RABGAP1L: variants seen among roughly 807,000 people sequenced by gnomAD.
The protein encoded by RABGAP1L is RAB GTPase activating protein 1 like, also known as rab GTPase-activating protein 1-like.
RABGAP1L carries 63 observed loss-of-function variants against 137.7 expected under a neutral mutation model. The ratio of observed to expected loss-of-function variants is 0.46; its 90% CI spans 0.37 to 0.56. The LOEUF (loss-of-function observed/expected upper bound fraction) is 0.56, where lower values mean the gene tolerates loss of function less well. RABGAP1L is among the 20% of genes least tolerant of loss of function. The pLI is 0.00. For synonymous variants in RABGAP1L, 431 were observed against 433.7 expected, an observed-to-expected ratio of 0.99 and a Z score of 0.08; for missense variants, 1,095 against 1,244.0, an observed-to-expected ratio of 0.88 and a Z score of 1.80.
chr1:174,330,128 A>G (rs1211722005), intron 11 of RABGAP1L, among the ~76,000 whole-genome samples: 1 of 152,204 alleles, frequency 6.6e-6, no homozygotes, highest in East Asian at 1.9e-4. Flanking sequence ...GTTTGCAGAC[A>G]ATATGATTAT....
intron 10 of RABGAP1L, among the ~76,000 whole-genome samples, chr1:174,290,454 A>G (rs1213153579): frequency 2.0e-5 from 3 of 152,078 alleles, no homozygotes; most frequent in African/African-American, 7.2e-5. Flanking sequence ...TCAAATTGAA[A>G]TTGCTCCACT....
chr1:174,190,400 C>T (rs1010013740), intron 1 of RABGAP1L, among the ~76,000 whole-genome samples: 1 of 151,748 alleles, frequency 6.6e-6, no homozygotes, highest in African/African-American at 2.4e-5. Flanking sequence ...TGTAAGAAAT[C>T]ATTTTTTTTT....
At chr1:174,899,280 AGAGCTCAG>A in intron 19 of RABGAP1L, among the ~76,000 whole-genome samples, 2 of 152,306 alleles carry the variant, frequency 1.3e-5, no homozygotes, top group South Asian at 4.1e-4. Flanking sequence ...CAAGGTGAGG[AGAGCTCAG>A]GAGCTCAGGA....
intron 13 of RABGAP1L, among the ~76,000 whole-genome samples, chr1:174,438,703 G>C (rs1428628618): frequency 5.2e-5 from 7 of 133,442 alleles, no homozygotes; most frequent in Admixed American, 3.0e-4. Context: ...GGGAGACACA[G>C]CAAGACTCTG....
At chr1:174,584,669 A>C (rs944432953) in intron 13 of RABGAP1L, among the ~76,000 whole-genome samples, 22 of 152,210 alleles carry the variant, frequency 1.4e-4, no homozygotes, top group Non-Finnish European at 2.4e-4. Flanking sequence ...AAACCTTGGT[A>C]TCTCAGATGA....
chr1:174,419,560 C>T (rs1237672454), intron 13 of RABGAP1L, among the ~76,000 whole-genome samples: 1 of 152,026 alleles, frequency 6.6e-6, no homozygotes, highest in East Asian at 1.9e-4. Context: ...GGTTTGCTTT[C>T]ATTGTAATAG....
intron 19 of RABGAP1L, among the ~76,000 whole-genome samples, chr1:174,889,730 C>T (rs112393826): frequency 4.6e-5 from 7 of 151,890 alleles, no homozygotes; most frequent in African/African-American, 1.7e-4. Flanking sequence ...TGTGACCAGC[C>T]TTTCTATTCT....
intron 13 of RABGAP1L, among the ~76,000 whole-genome samples, chr1:174,477,587 G>A (rs1658632811): frequency 2.6e-5 from 4 of 152,140 alleles, no homozygotes; most frequent in Admixed American, 2.0e-4. Context: ...AGGTTCTCAT[G>A]GGGGAGAAGT....
chr1:174,374,347 C>T (rs188309856), intron 12 of RABGAP1L, among the ~76,000 whole-genome samples: 2 of 152,114 alleles, frequency 1.3e-5, no homozygotes, highest in Non-Finnish European at 2.9e-5. Context: ...CATAGTCTTC[C>T]GTTGTGGCCA....
chr1:174,543,318 T>C (rs1665658147), intron 13 of RABGAP1L, among the ~76,000 whole-genome samples: 1 of 151,408 alleles, frequency 6.6e-6, no homozygotes, highest in Non-Finnish European at 1.5e-5. Flanking sequence ...TTAGTTCTTC[T>C]TGTTGAATTG....
intron 17 of RABGAP1L, among the ~76,000 whole-genome samples, chr1:174,746,453 G>A (rs961978184): frequency 6.6e-6 from 1 of 152,160 alleles, no homozygotes; most frequent in Admixed American, 6.5e-5. Flanking sequence ...CTCATATACT[G>A]CAAGCAGTCA....
rs532623207 is a variant in RABGAP1L at position 174,865,154 on chromosome 1, G to A, written c.2340+53194G>A. 4.6e-5 allele frequency among the ~76,000 whole-genome samples: 7 copies of A among 152,078 alleles called. No individual in the cohort carries two copies. In the East Asian group the frequency reaches 1.2e-3, roughly 25 times the overall value. ...AAATAAATAAATAAAAGAAGACCAC[G>A]TGCCACTTGCACAAATATATTAGCA... On this transcript the variant is annotated intron_variant, in intron 19 of 25. Coordinates refer to ENST00000681986, the MANE Select transcript of RABGAP1L (RefSeq NM_001366446.1).
chr1:174,563,963 A>G (rs1387226587), intron 13 of RABGAP1L, among the ~76,000 whole-genome samples: 1 of 152,092 alleles, frequency 6.6e-6, no homozygotes, highest in African/African-American at 2.4e-5. Flanking sequence ...CCTTTTTCAA[A>G]ATATTTATTA....
chr1:174,239,619 T>C (rs1671608961), intron 4 of RABGAP1L, among the ~76,000 whole-genome samples: 1 of 152,176 alleles, frequency 6.6e-6, no homozygotes, highest in African/African-American at 2.4e-5. Flanking sequence ...TTTATTTGCT[T>C]ATTGGTTTAT....
Position 174,383,080 on chromosome 1 carries a change from G to C in RABGAP1L, c.1560-10915G>C, listed in dbSNP as rs1053446692. On this transcript the variant is annotated intron_variant, in intron 12 of 25. Transcript: ENST00000681986. ...GGTGTCAGTGTGCCCCTGCTGGGGG[G>C]TGCCTCCCAGTTAGGCTGCTCGGGG... Among the ~76,000 whole-genome samples, 59 of 151,210 alleles carry C rather than the reference G, an allele frequency of 3.9e-4. 1 individual carries two copies. The highest frequency in any genetic ancestry group is 9.2e-4 in the Admixed American group (14 of 15,230).
chr1:174,280,725 T>TCTGGGAAAGTAAACTAGAGG (rs1417577125), intron 10 of RABGAP1L, among the ~76,000 whole-genome samples: 2 of 152,082 alleles, frequency 1.3e-5, no homozygotes, highest in African/African-American at 4.8e-5. Context: ...GAAACTAGAG[T>TCTGGGAAAGTAAACTAGAGG]CTGGGAAAGT....
intron 13 of RABGAP1L, among the ~76,000 whole-genome samples, chr1:174,430,061 A>C (rs1652436004): frequency 6.6e-6 from 1 of 152,182 alleles, no homozygotes; most frequent in Non-Finnish European, 1.5e-5. Context: ...TCTGGGGAAA[A>C]TGAATTAATT....
At chr1:174,519,548 A>G (rs1663181450) in intron 13 of RABGAP1L, among the ~76,000 whole-genome samples, 1 of 152,300 alleles carries the variant, frequency 6.6e-6, no homozygotes, top group East Asian at 1.9e-4. Flanking sequence ...TCCTTTGGCA[A>G]CACCCTCACA....
chr1:174,889,980 T>G (rs1655850972), intron 19 of RABGAP1L, among the ~76,000 whole-genome samples: 1 of 152,146 alleles, frequency 6.6e-6, no homozygotes, highest in South Asian at 2.1e-4. Flanking sequence ...GCTCAAGTGA[T>G]CCTCCTGCCT....
Sources: allele counts gnomAD v4.1 joint callset (sites outside exome capture counted in the v4.1 genomes callset), GRCh38; gene constraint gnomAD v4.1.1; transcripts MANE v1.5; gene names NCBI Gene and HGNC (gene_info 2026-07-23, HGNC 2026-07-21).